The following CFAP95 variants were observed in gnomAD, a reference collection of about 807,000 sequenced individuals.
The protein encoded by CFAP95 is cilia and flagella associated protein 95, also known as cilia- and flagella-associated protein 95.
the CFAP95 span, among the ~76,000 whole-genome samples, chr9:69,843,505 CCCTCCTCCTCCTCCT>C: frequency 0.012 from 46 of 3,834 alleles, 4 homozygotes; most frequent in Admixed American, 0.019. Context: ...CCTCCTCCCC[CCCTCCTCCTCCTCCT>C]CCTCCTCCTC....
the CFAP95 span, among the ~76,000 whole-genome samples, chr9:69,890,499 A>G: frequency 6.6e-6 from 1 of 152,254 alleles, no homozygotes; most frequent in Non-Finnish European, 1.5e-5. Flanking sequence ...ACTTTTGATT[A>G]TAATAACAGT....
the CFAP95 span, among the ~76,000 whole-genome samples, chr9:69,901,146 T>G: frequency 6.6e-6 from 1 of 151,740 alleles, no homozygotes; most frequent in South Asian, 2.1e-4. Context: ...GTTTTGGTTT[T>G]TTTTTTTTTG....
chr9:69,882,456 T>A, the CFAP95 span, among the ~76,000 whole-genome samples: 1 of 152,228 alleles, frequency 6.6e-6, no homozygotes, highest in African/African-American at 2.4e-5. Context: ...TTTGTCTAAT[T>A]GCTCTAGCTA....
the CFAP95 span, among the ~76,000 whole-genome samples, chr9:69,855,512 T>C: frequency 6.6e-6 from 1 of 152,174 alleles, no homozygotes; most frequent in East Asian, 1.9e-4. Context: ...CTTTGAAACC[T>C]GAACATCTAA....
chr9:69,843,523 TCC>T, the CFAP95 span, among the ~76,000 whole-genome samples: 1 of 11,476 alleles, frequency 8.7e-5, no homozygotes, highest in Non-Finnish European at 1.7e-4. Flanking sequence ...CTCCTCCTCC[TCC>T]TCCTCCTCCT....
chr9:69,870,274 T>A, the CFAP95 span, among the ~76,000 whole-genome samples: 1 of 152,212 alleles, frequency 6.6e-6, no homozygotes, highest in Non-Finnish European at 1.5e-5. Flanking sequence ...ATCAGCTCAT[T>A]TGTCTAATGT....
chr9:69,859,679 C>T, the CFAP95 span, among the ~76,000 whole-genome samples: 6 of 152,256 alleles, frequency 3.9e-5, no homozygotes, highest in South Asian at 4.2e-4. Flanking sequence ...AGTCATGCAT[C>T]GCATAATGTC....
At chr9:69,895,557 T>C in the CFAP95 span, among the ~76,000 whole-genome samples, 1 of 152,166 alleles carries the variant, frequency 6.6e-6, no homozygotes, top group African/African-American at 2.4e-5. Flanking sequence ...AAGTATCCTT[T>C]CGGATTAAAG....
At chr9:69,825,932 G>A in the CFAP95 span, among the ~76,000 whole-genome samples, 2 of 152,218 alleles carry the variant, frequency 1.3e-5, no homozygotes, top group East Asian at 1.9e-4. Flanking sequence ...TTAATTTTAT[G>A]TATTTGTGAT....
the CFAP95 span, among the ~76,000 whole-genome samples, chr9:69,901,295 G>A: frequency 1.3e-5 from 2 of 152,008 alleles, no homozygotes; most frequent in Admixed American, 1.3e-4. Flanking sequence ...CCGCCACTAC[G>A]CCCAGCTAAA....
chr9:69,850,287 T>C, the CFAP95 span, among the ~76,000 whole-genome samples: 1 of 152,226 alleles, frequency 6.6e-6, no homozygotes, highest in African/African-American at 2.4e-5. Flanking sequence ...AGTGGCTCAA[T>C]GCCAAGGCAT....
At chr9:69,889,741 A>G in the CFAP95 span, among the ~76,000 whole-genome samples, 10 of 152,130 alleles carry the variant, frequency 6.6e-5, no homozygotes, top group Admixed American at 6.6e-4. Flanking sequence ...GGCAAGAAGA[A>G]TCCATTGGGC....
the CFAP95 span, among the ~76,000 whole-genome samples, chr9:69,864,843 GT>G: frequency 2.0e-5 from 3 of 152,048 alleles, no homozygotes; most frequent in African/African-American, 7.2e-5. Context: ...CATTTATTTT[GT>G]TTTCTACTTA....
At chr9:69,846,560 C>T in the CFAP95 span, among the ~76,000 whole-genome samples, 1 of 152,160 alleles carries the variant, frequency 6.6e-6, no homozygotes, top group Non-Finnish European at 1.5e-5. Context: ...TTTCATTCTT[C>T]ACAACAAAGC....
At chr9:69,858,047 A>G in the CFAP95 span, 1 of 1,470,576 alleles carries the variant, frequency 6.8e-7, no homozygotes, top group Non-Finnish European at 9.5e-7. Context: ...TTGCAGGGGC[A>G]AAGGTATGAC....
the CFAP95 span, among the ~76,000 whole-genome samples, chr9:69,825,275 T>A: frequency 1.3e-5 from 2 of 152,198 alleles, no homozygotes; most frequent in Non-Finnish European, 2.9e-5. Flanking sequence ...AAAATCTGTA[T>A]CTGGGAGAAA....
At chr9:69,835,653 A>T in the CFAP95 span, among the ~76,000 whole-genome samples, 1 of 152,264 alleles carries the variant, frequency 6.6e-6, no homozygotes, top group Non-Finnish European at 1.5e-5. Flanking sequence ...TCAGTCAATC[A>T]TTTAAGATTT....
At chr9:69,885,658 C>A in the CFAP95 span, among the ~76,000 whole-genome samples, 2 of 152,152 alleles carry the variant, frequency 1.3e-5, no homozygotes, top group African/African-American at 2.4e-5. Context: ...TTTCATCCAG[C>A]ATTTCTGTGT....
At chr9:69,893,814 C>G in the CFAP95 span, among the ~76,000 whole-genome samples, 2 of 152,172 alleles carry the variant, frequency 1.3e-5, no homozygotes, top group African/African-American at 4.8e-5. Context: ...ATTTGTACTT[C>G]ATCTGACTAT....
Sources: allele counts gnomAD v4.1 joint callset (sites outside exome capture counted in the v4.1 genomes callset), GRCh38; gene constraint gnomAD v4.1.1; transcripts MANE v1.5; gene names NCBI Gene and HGNC (gene_info 2026-07-23, HGNC 2026-07-21).